The following FAM135A variants were observed in gnomAD, a reference collection of about 807,000 sequenced individuals.
FAM135A encodes family with sequence similarity 135 member A, also known as protein FAM135A.
Under a neutral mutation model 146.8 loss-of-function variants are expected in FAM135A, and 79 were observed. That is an observed-to-expected ratio of 0.54 (90% confidence interval 0.45 to 0.65). FAM135A has a LOEUF of 0.65. Among genes scored for constraint, FAM135A ranks in the 30% least tolerant of loss-of-function variants. FAM135A has a pLI of 0.00. For missense variants in FAM135A, 1,623 were observed against 1,758.2 expected (o/e 0.92, Z 1.38); for synonymous variants, 562 against 603.6 (o/e 0.93, Z 1.01).
chr6:70,416,254 C>A (rs1447476791), intron 2 of FAM135A, among the ~76,000 whole-genome samples: 1 of 152,160 alleles, frequency 6.6e-6, no homozygotes, highest in South Asian at 2.1e-4. Context: ...TGTTCATACA[C>A]AGTGAAACAG....
intron 5 of FAM135A, among the ~76,000 whole-genome samples, chr6:70,471,262 T>C (rs1352821345): frequency 6.6e-6 from 1 of 152,124 alleles, no homozygotes; most frequent in Non-Finnish European, 1.5e-5. Context: ...TGCAAGAGTG[T>C]ATTATAATGA....
chr6:70,428,758 AC>A (rs943049617), intron 4 of FAM135A, among the ~76,000 whole-genome samples: 2 of 152,232 alleles, frequency 1.3e-5, no homozygotes, highest in African/African-American at 4.8e-5. Flanking sequence ...AAATAGAAAT[AC>A]AAACATACAT....
At chr6:70,433,349 C>T (rs909013239) in intron 4 of FAM135A, among the ~76,000 whole-genome samples, 1 of 152,172 alleles carries the variant, frequency 6.6e-6, no homozygotes, top group African/African-American at 2.4e-5. Context: ...GCTGGGATTA[C>T]AGGCATGAGC....
intron 12 of FAM135A, among the ~76,000 whole-genome samples, chr6:70,518,926 G>A (rs980743329): frequency 9.9e-5 from 15 of 152,176 alleles, no homozygotes; most frequent in Admixed American, 7.2e-4. Flanking sequence ...CTATTCTTCA[G>A]CCCATGTGAT....
At chr6:70,531,858 G>C (rs1333582045) in intron 16 of FAM135A, among the ~76,000 whole-genome samples, 2 of 111,114 alleles carry the variant, frequency 1.8e-5, no homozygotes, top group African/African-American at 6.3e-5. Flanking sequence ...GCAGAATGTT[G>C]TTTGATAAGG....
At chr6:70,556,943 C>T (rs190214481) in intron 21 of FAM135A, 80 bp downstream of exon 21, 14 of 952,526 alleles carry the variant, frequency 1.5e-5, no homozygotes, top group African/African-American at 1.5e-4. Flanking sequence ...CACTTTCTCT[C>T]GTATCTGTCA....
At chr6:70,497,534 T>C (rs1242939925) in intron 11 of FAM135A, among the ~76,000 whole-genome samples, 2 of 152,200 alleles carry the variant, frequency 1.3e-5, no homozygotes, top group African/African-American at 4.8e-5. Flanking sequence ...CAATACTATG[T>C]TGAATAGGAG....
chr6:70,416,985 A>C (rs931344026), intron 2 of FAM135A, among the ~76,000 whole-genome samples: 3 of 152,226 alleles, frequency 2.0e-5, no homozygotes, highest in African/African-American at 7.2e-5. Flanking sequence ...AATGTGCTAA[A>C]TTTAGAAGAA....
intron 20 of FAM135A, among the ~76,000 whole-genome samples, chr6:70,543,791 G>A (rs140948267): frequency 4.6e-5 from 7 of 152,232 alleles, no homozygotes; most frequent in African/African-American, 7.2e-5. Flanking sequence ...AATAATAATA[G>A]CAACATAAGA....
chr6:70,524,600 A>C lies in FAM135A; in HGVS notation c.1516A>C (p.Thr506Pro), dbSNP rs749721503. 5 of 1,542,900 alleles carry C rather than the reference A, an allele frequency of 3.2e-6. No homozygotes were observed. Among genetic ancestry groups the C allele is most frequent in the African/African-American group, 1.4e-5 (1 of 72,208 alleles). Residue 506 changes from threonine (T) to proline (P), a missense_variant, in exon 15 of 22, where the codon ACA becomes CCA. By Grantham distance (38) the Thr-to-Pro change is conservative. This residue lies in a region of FAM135A where 1,061 missense variants were observed against 1,113.8 expected (regional missense o/e 0.95). Coordinates refer to ENST00000418814, the MANE Select transcript of FAM135A (RefSeq NM_001162529.3). ...KLMKTMKSEN[T>P]KKLIKQNSKD... ...TATGAAAACAATGAAATCTGAAAAC[A>C]CAAAAAAATTAATAAAACAGAACTC... is the stretch of plus-strand genomic sequence containing the variant.
intron 5 of FAM135A, among the ~76,000 whole-genome samples, chr6:70,471,300 GA>G (rs1781569691): frequency 6.6e-6 from 1 of 152,040 alleles, no homozygotes; most frequent in Admixed American, 6.6e-5. Context: ...GATGGGTAAG[GA>G]AAAAAGGAAT....
intron 9 of FAM135A, 107 bp downstream of exon 9, chr6:70,481,134 C>T (rs1013726149): frequency 2.9e-6 from 3 of 1,036,730 alleles, no homozygotes; most frequent in African/African-American, 3.3e-5. Flanking sequence ...TTCAGCTCAG[C>T]AACTTATAGA....
intron 11 of FAM135A, among the ~76,000 whole-genome samples, chr6:70,492,499 T>G (rs1196077794): frequency 6.6e-6 from 1 of 151,780 alleles, no homozygotes; most frequent in Non-Finnish European, 1.5e-5. Context: ...AAATAAGACA[T>G]TGATGATTTG....
At chr6:70,496,770 C>T (rs1001991346) in intron 11 of FAM135A, among the ~76,000 whole-genome samples, 4 of 148,806 alleles carry the variant, frequency 2.7e-5, no homozygotes, top group African/African-American at 7.8e-5. Context: ...AATCCTTTCC[C>T]CATTTTTTTT....
intron 12 of FAM135A, among the ~76,000 whole-genome samples, chr6:70,521,335 A>G (rs938144153): frequency 3.3e-5 from 5 of 151,874 alleles, no homozygotes; most frequent in South Asian, 4.6e-4. Flanking sequence ...TTCATGCTTT[A>G]TAGCCCCAAA....
rs774764841 is a variant in FAM135A, at chr6:70,525,301, T to A, written c.2217T>A (p.Pro739=). Residue 739 remains proline, a synonymous_variant, in exon 15 of 22, where the codon CCT becomes CCA. Coordinates refer to ENST00000418814, the MANE Select transcript of FAM135A (RefSeq NM_001162529.3). ...LTKLRSNLPA[P]STKEYHVVVS... ...AATTACGAAGTAATCTACCTGCCCC[T>A]TCTACAAAAGAATATCATGTTGTAG... The A allele has an allele frequency of 6.2e-7, 1 of 1,608,854 alleles. No homozygotes were observed. The highest frequency in any genetic ancestry group is 1.1e-5 in the South Asian group (1 of 89,808).
chr6:70,493,433 G>A (rs1007770970), intron 11 of FAM135A, among the ~76,000 whole-genome samples: 3 of 152,020 alleles, frequency 2.0e-5, no homozygotes, highest in African/African-American at 7.2e-5. Flanking sequence ...TCCATGTATT[G>A]CTAATAAATT....
At chr6:70,509,448 G>C (rs1790507211) in intron 12 of FAM135A, among the ~76,000 whole-genome samples, 1 of 152,064 alleles carries the variant, frequency 6.6e-6, no homozygotes, top group Non-Finnish European at 1.5e-5. Context: ...GATTCTTCCA[G>C]GACCACTGCC....
intron 15 of FAM135A, among the ~76,000 whole-genome samples, chr6:70,527,906 C>T (rs1233469138): frequency 4.6e-5 from 7 of 152,042 alleles, no homozygotes; most frequent in East Asian, 1.9e-4. Context: ...TAAAAAGGAG[C>T]AAAGGGGATA....
Sources: allele counts gnomAD v4.1 joint callset (sites outside exome capture counted in the v4.1 genomes callset), GRCh38; gene constraint gnomAD v4.1.1; regional missense constraint gnomAD v4.1.1; transcripts MANE v1.5; gene names NCBI Gene and HGNC (gene_info 2026-07-23, HGNC 2026-07-21).